Variants in DIP2C observed in about 807,000 individuals in gnomAD.
DIP2C encodes disco-interacting protein 2 homolog C.
In DIP2C, 33 loss-of-function variants were observed where a neutral mutation model predicts 192.4. That is an observed-to-expected ratio of 0.17 (90% CI 0.13 to 0.23). DIP2C has a LOEUF of 0.23. Among genes scored for constraint, DIP2C ranks in the 10% least tolerant of loss-of-function variants. The pLI is 1.00. For synonymous variants in DIP2C, 979 were observed against 864.1 expected (o/e 1.13, Z -2.33); for missense variants, 1,537 against 2,110.1 (o/e 0.73, Z 5.32).
chr10:468,839 T>C (rs1271561287), intron 3 of DIP2C, among the ~76,000 whole-genome samples: 4 of 152,216 alleles, frequency 2.6e-5, no homozygotes, highest in Admixed American at 6.5e-5. Flanking sequence ...CATGGAGTAA[T>C]AGTGCTTTCC....
intron 6 of DIP2C, among the ~76,000 whole-genome samples, chr10:418,000 A>G (rs77206859): frequency 1.3e-3 from 45 of 35,930 alleles, no homozygotes; most frequent in South Asian, 6.5e-3. Context: ...GTCCACCTGC[A>G]CCTGTCAGGG....
intron 20 of DIP2C, 88 bp downstream of exon 20, chr10:364,286 G>A: frequency 1.4e-6 from 2 of 1,448,398 alleles, no homozygotes; most frequent in South Asian, 1.3e-5. Context: ...TACATTTAAG[G>A]AAACTGTGCA....
Position 636,523 on chromosome 10 carries a change from A to G in DIP2C, c.85+52971T>C, listed in dbSNP as rs182925560. Among the ~76,000 whole-genome samples the G allele has an allele frequency of 6.6e-6, 1 of 152,218 alleles. No individual in the cohort carries two copies. Among genetic ancestry groups the G allele is most frequent in the Admixed American group, 6.5e-5 (1 of 15,288 alleles). On this transcript the variant is annotated intron_variant, in intron 1 of 36. Coordinates refer to ENST00000280886, the MANE Select transcript of DIP2C (RefSeq NM_014974.3). The surrounding 1 kb of genome is among the most constrained non-coding windows in gnomAD (Gnocchi z 4.6). Reference sequence around the variant, plus strand: ...CCGAGTCCTCACGCACGCGTTCCCTAAGAATAAAGGACCCTCTGCAGCCGC... The same window carrying G: ...CCGAGTCCTCACGCACGCGTTCCCTGAGAATAAAGGACCCTCTGCAGCCGC...
chr10:407,329 C>A (rs547212257), intron 9 of DIP2C, among the ~76,000 whole-genome samples: 20 of 152,328 alleles, frequency 1.3e-4, no homozygotes, highest in African/African-American at 4.8e-4. Flanking sequence ...GGGAAATCCA[C>A]ATCTAGTCCG....
chr10:540,914 C>G (rs1203632494), intron 1 of DIP2C, among the ~76,000 whole-genome samples: 1 of 152,182 alleles, frequency 6.6e-6, no homozygotes, highest in Non-Finnish European at 1.5e-5. Flanking sequence ...TTAGACACAG[C>G]AGCCGTGATA....
chr10:332,617 T>C (rs1957553092), intron 29 of DIP2C, among the ~76,000 whole-genome samples: 2 of 152,222 alleles, frequency 1.3e-5, no homozygotes, highest in African/African-American at 4.8e-5. Flanking sequence ...CTCAAGACAT[T>C]ATTCTCTGAG....
intron 31 of DIP2C, among the ~76,000 whole-genome samples, chr10:314,604 T>C (rs1159107627): frequency 6.6e-6 from 1 of 152,166 alleles, no homozygotes; most frequent in African/African-American, 2.4e-5. Context: ...CTCCTGCACA[T>C]GGGAAGGCAT....
chr10:506,476 T>A (rs1048045175), intron 1 of DIP2C, among the ~76,000 whole-genome samples: 1 of 152,052 alleles, frequency 6.6e-6, no homozygotes, highest in Non-Finnish European at 1.5e-5. Context: ...ACAGCTCAAG[T>A]CCAGCGTGTG....
At chr10:674,771 A>AATATATAT (rs375454744) in intron 1 of DIP2C, among the ~76,000 whole-genome samples, 2,816 of 27,550 alleles carry the variant, frequency 0.1, 247 homozygotes, top group Non-Finnish European at 0.12. Flanking sequence ...CTCCATCTCA[A>AATATATAT]ATATATATAT....
Position 606,913 on chromosome 10 carries a change from C to T in DIP2C, c.85+82581G>A, listed in dbSNP as rs558852342. On this transcript the variant is annotated intron_variant, in intron 1 of 36. Transcript: ENST00000280886. ...CTGTCATGGTGACTCAGGCTGGGGT[C>T]TGAATAGGGGCCTTCCAAGCAACTA... is the stretch of plus-strand genomic sequence containing the variant. 2.6e-5 allele frequency among the ~76,000 whole-genome samples: 4 copies of T among 152,148 alleles called. 1 individual carries two copies. The East Asian group carries it at 7.7e-4, about 29-fold the overall frequency.
At chr10:418,658 A>C (rs1047128692) in intron 6 of DIP2C, among the ~76,000 whole-genome samples, 1 of 152,224 alleles carries the variant, frequency 6.6e-6, no homozygotes, top group Non-Finnish European at 1.5e-5. Flanking sequence ...CTAAAGCAAC[A>C]TATCAGCCCA....
In DIP2C at chr10:390,876, C is replaced by G. The variant is rs764413955; in HGVS notation, c.1261-13G>C. 2.5e-6 allele frequency: 4 copies of G among 1,613,342 alleles called. No individual in the cohort carries two copies. The Admixed American group carries it at 6.7e-5, about 27-fold the overall frequency. On this transcript the variant is annotated splice_polypyrimidine_tract_variant and intron_variant, in intron 10 of 36. Transcript: ENST00000280886. The stretch of plus-strand genomic sequence containing the variant: ...GGCTCCCTGCGTCCTGAGAGGGCAA[C>G]AGAGAGGAGTTGAGAATCCACGACC...
intron 3 of DIP2C, among the ~76,000 whole-genome samples, chr10:455,197 G>A (rs186298216): frequency 2.0e-5 from 3 of 152,338 alleles, no homozygotes; most frequent in African/African-American, 4.8e-5. Flanking sequence ...CCTTGGGCAA[G>A]TTGCTTAACC....
chr10:436,446 G>A (rs549169793), intron 4 of DIP2C, among the ~76,000 whole-genome samples: 8 of 152,160 alleles, frequency 5.3e-5, no homozygotes, highest in East Asian at 3.8e-4. Flanking sequence ...TCCGATCTCC[G>A]CCTCCTGGAC....
At chr10:417,194 A>G (rs1262307666) in intron 6 of DIP2C, among the ~76,000 whole-genome samples, 1 of 152,144 alleles carries the variant, frequency 6.6e-6, no homozygotes, top group African/African-American at 2.4e-5. Context: ...AATTTGGCAG[A>G]TGTCAGAATT....
At chr10:656,431 A>C (rs146522871) in intron 1 of DIP2C, among the ~76,000 whole-genome samples, 1 of 152,234 alleles carries the variant, frequency 6.6e-6, no homozygotes, top group Non-Finnish European at 1.5e-5. Context: ...GTCCCACTAC[A>C]TAAGAGCAGA....
Position 651,473 on chromosome 10 carries a change from G to A in DIP2C, c.85+38021C>T. The A allele has an allele frequency of 1.6e-6, 1 of 633,114 alleles. No individual in the cohort carries two copies. Among genetic ancestry groups the A allele is most frequent in the Non-Finnish European group, 2.9e-6 (1 of 345,418 alleles). The allele number at this position is 633,114 out of a possible 1,614,324, so 39.2% of individuals were successfully genotyped here. On this transcript the variant is annotated intron_variant, in intron 1 of 36. Transcript: ENST00000280886. This position sits in a 1 kb window ranked among gnomAD's most constrained non-coding sequence, Gnocchi z 4.1. The stretch of plus-strand genomic sequence containing the variant: ...TAGCAGAAGACTTAGTAGAATGTAT[G>A]AGTAACAATTACAATTATATGAAAA...
chr10:281,438 A>AGG (rs1289449479), intron 35 of DIP2C, 115 bp from the exon 36 acceptor site: 2 of 1,401,818 alleles, frequency 1.4e-6, no homozygotes, highest in African/African-American at 2.9e-5. Flanking sequence ...ATGCAAAGGA[A>AGG]GGGGCTCACG....
At chr10:642,178 G>C (rs1369957809) in intron 1 of DIP2C, among the ~76,000 whole-genome samples, 1 of 152,088 alleles carries the variant, frequency 6.6e-6, no homozygotes, top group Non-Finnish European at 1.5e-5. Context: ...ACACAATTTG[G>C]TAACCTGCCC....
Sources: allele counts gnomAD v4.1 joint callset (sites outside exome capture counted in the v4.1 genomes callset), GRCh38; gene constraint gnomAD v4.1.1; non-coding constraint Gnocchi (gnomAD v3.1); transcripts MANE v1.5; gene names NCBI Gene and HGNC (gene_info 2026-07-23, HGNC 2026-07-21).